The following PTPRQ variants were observed in gnomAD, a reference collection of about 807,000 sequenced individuals.
PTPRQ encodes protein tyrosine phosphatase receptor type Q.
In PTPRQ, 199 loss-of-function variants were observed where a neutral mutation model predicts 246.0. That is an observed-to-expected ratio of 0.81 (90% CI 0.72 to 0.91). PTPRQ has a LOEUF of 0.91. Among genes scored for constraint, PTPRQ ranks in the 40% least tolerant of loss-of-function variants. PTPRQ has a pLI of 0.00. For missense variants in PTPRQ, 2,624 were observed against 2,528.4 expected, an observed-to-expected ratio of 1.04 and a Z score of -0.81; for synonymous variants, 869 against 853.2, an observed-to-expected ratio of 1.02 and a Z score of -0.32.
chr12:80,649,554 C>A, intron 36 of PTPRQ, 34 bp from the exon 37 acceptor site: 1 of 1,546,920 alleles, frequency 6.5e-7, no homozygotes, highest in Non-Finnish European at 8.7e-7. Flanking sequence ...TACAATCTAA[C>A]ATGACCCTAT....
chr12:80,651,916 T>C (rs768921871), intron 37 of PTPRQ, among the ~76,000 whole-genome samples: 2 of 151,860 alleles, frequency 1.3e-5, no homozygotes, highest in South Asian at 2.1e-4. Context: ...CAGATTTTAA[T>C]TTTGAGAAAA....
intron 14 of PTPRQ, among the ~76,000 whole-genome samples, chr12:80,499,753 T>C (rs1042453814): frequency 1.3e-5 from 2 of 151,838 alleles, no homozygotes; most frequent in African/African-American, 4.8e-5. Flanking sequence ...GAAAGATCAA[T>C]ACAAGATTGA....
At position 80,665,736 on chromosome 12, in the gene PTPRQ, A is replaced by G. The variant is rs141790214; in HGVS notation, c.6193-3271A>G. ...GATTAATATCCAAAATATACCAGGA[A>G]CTCAACTCAATAGCAGAAAAAAAAT... is the stretch of plus-strand genomic sequence containing the variant. On this transcript the variant is annotated intron_variant, in intron 39 of 44. Coordinates refer to ENST00000644991, the MANE Select transcript of PTPRQ (RefSeq NM_001145026.2). Among the ~76,000 whole-genome samples the G allele has an allele frequency of 5.5e-3, 835 of 152,058 alleles. 6 individuals carry two copies. The highest frequency in any genetic ancestry group is 0.015 in the African/African-American group (615 of 41,516).
At chr12:80,663,000 A>G (rs1016834728) in intron 39 of PTPRQ, among the ~76,000 whole-genome samples, 1 of 151,998 alleles carries the variant, frequency 6.6e-6, no homozygotes, top group African/African-American at 2.4e-5. Context: ...TTGGGCAAAC[A>G]TTTTACCTGG....
At chr12:80,530,380 T>G (rs1895810151) in intron 17 of PTPRQ, among the ~76,000 whole-genome samples, 1 of 152,218 alleles carries the variant, frequency 6.6e-6, no homozygotes. Context: ...TTACTCATAT[T>G]TATGCCTAAA....
At chr12:80,523,233 G>C (rs562666817) in intron 17 of PTPRQ, among the ~76,000 whole-genome samples, 7 of 151,944 alleles carry the variant, frequency 4.6e-5, no homozygotes, top group African/African-American at 1.7e-4. Flanking sequence ...TTTTTATTGC[G>C]TCTATTTGAT....
intron 26 of PTPRQ, among the ~76,000 whole-genome samples, chr12:80,600,555 C>A (rs1165744125): frequency 6.6e-6 from 1 of 151,668 alleles, no homozygotes; most frequent in Non-Finnish European, 1.5e-5. Flanking sequence ...GCAGAAAATT[C>A]TCAATACATT....
At position 80,619,512 on chromosome 12, in the gene PTPRQ, A is replaced by G; in HGVS notation, c.5359A>G (p.Asn1787Asp). Residue 1787 changes from asparagine (N) to aspartate (D), a missense_variant, in exon 31 of 45, where the codon AAT becomes GAT. Physicochemically the swap from Asn to Asp is conservative, Grantham distance 23. Transcript: ENST00000644991. ...CAGTGATGATCATGGACCAATAAAA[A>G]ATGTACAAGTGCTTGTGACAGAAAC... ...YYSDDHGPIK[N>D]VQVLVTETGA... 6.5e-7 allele frequency: 1 copy of G among 1,540,324 alleles called. No homozygotes were observed. Among genetic ancestry groups the G allele is most frequent in the East Asian group, 2.5e-5 (1 of 40,646 alleles).
At chr12:80,473,154 A>C (rs1893707122) in intron 8 of PTPRQ, among the ~76,000 whole-genome samples, 1 of 152,184 alleles carries the variant, frequency 6.6e-6, no homozygotes, top group Non-Finnish European at 1.5e-5. Context: ...TCTCCCCTTT[A>C]AAGAAACAAC....
intron 17 of PTPRQ, 119 bp from the exon 18 acceptor site, chr12:80,533,895 TC>T: frequency 1.4e-6 from 1 of 699,814 alleles, no homozygotes; most frequent in Non-Finnish European, 2.1e-6. Context: ...ACATCTTTTT[TC>T]TATTAATCTA....
chr12:80,641,285 G>T (rs192703755), intron 35 of PTPRQ, among the ~76,000 whole-genome samples: 3 of 152,180 alleles, frequency 2.0e-5, no homozygotes, highest in Middle Eastern at 3.4e-3. Flanking sequence ...CTGATTGAGC[G>T]TCCCAAACAT....
intron 17 of PTPRQ, among the ~76,000 whole-genome samples, chr12:80,519,813 G>T (rs537163339): frequency 1.2e-4 from 19 of 152,188 alleles, no homozygotes; most frequent in African/African-American, 4.6e-4. Flanking sequence ...CCAGTCCATG[G>T]TCAGTGGTCT....
intron 25 of PTPRQ, among the ~76,000 whole-genome samples, chr12:80,559,965 C>T (rs536409858): frequency 5.8e-4 from 89 of 152,262 alleles, no homozygotes; most frequent in African/African-American, 2.1e-3. Flanking sequence ...AGGTGAAAAA[C>T]AGTAAGCAAT....
chr12:80,586,177 T>C (rs1296902715), intron 25 of PTPRQ, among the ~76,000 whole-genome samples: 1 of 151,902 alleles, frequency 6.6e-6, no homozygotes, highest in Admixed American at 6.6e-5. Flanking sequence ...CTATCGTGAA[T>C]AATGCCGCAA....
At chr12:80,610,951 A>G (rs879496838) in intron 28 of PTPRQ, among the ~76,000 whole-genome samples, 3 of 150,370 alleles carry the variant, frequency 2.0e-5, no homozygotes, top group Admixed American at 6.7e-5. Context: ...CCAACTGTCT[A>G]TATCCAATAA....
chr12:80,463,456 C>T (rs1180195684), intron 6 of PTPRQ, among the ~76,000 whole-genome samples: 3 of 152,122 alleles, frequency 2.0e-5, no homozygotes, highest in African/African-American at 7.2e-5. Flanking sequence ...GGATGTTATC[C>T]AGGAGAACTT....
At chr12:80,560,745 G>A (rs1417025385) in intron 25 of PTPRQ, among the ~76,000 whole-genome samples, 5 of 152,186 alleles carry the variant, frequency 3.3e-5, no homozygotes, top group Non-Finnish European at 7.4e-5. Context: ...GTCATATTTT[G>A]CTAAATAGCT....
intron 8 of PTPRQ, among the ~76,000 whole-genome samples, chr12:80,475,233 G>A (rs1469529030): frequency 2.6e-5 from 4 of 151,828 alleles, no homozygotes; most frequent in African/African-American, 7.3e-5. Context: ...ATATTAACTC[G>A]AGAATAATTC....
intron 26 of PTPRQ, among the ~76,000 whole-genome samples, chr12:80,600,867 A>G (rs190269721): frequency 1.2e-4 from 18 of 151,746 alleles, no homozygotes; most frequent in East Asian, 7.8e-4. Context: ...ACGGCCTTAC[A>G]TTTTCTGGCC....
Sources: gnomAD v4.1 joint callset for allele counts (sites outside exome capture counted in the v4.1 genomes callset) on GRCh38, gnomAD v4.1.1 for gene constraint, MANE v1.5 for transcripts, NCBI Gene and HGNC (gene_info 2026-07-23, HGNC 2026-07-21) for gene names.